Variants in SKOR2 observed in about 807,000 individuals in gnomAD.
The protein encoded by SKOR2 is LBX1 corepressor 1-like protein.
A neutral mutation model predicts 69.1 loss-of-function variants in SKOR2; 47 were observed. The observed-to-expected ratio is 0.68, with a 90% CI of 0.54 to 0.87. The LOEUF is 0.87. Among genes scored for constraint, SKOR2 ranks in the 40% least tolerant of loss-of-function variants. SKOR2 has a pLI of 0.00. For synonymous variants in SKOR2, 717 were observed against 672.6 expected (o/e 1.07, Z -1.02); for missense variants, 1,404 against 1,472.2 (o/e 0.95, Z 0.76).
In SKOR2 at chr18:47,249,129, T is replaced by C. The variant is rs751517150; in HGVS notation, c.55A>G (p.Ser19Gly). Residue 19 changes from serine to glycine, a missense_variant, in exon 2 of 9, where the codon AGC becomes GGC. Around this residue, in one of 3 missense-constraint regions of SKOR2, gnomAD observed 104 missense variants for 95.7 expected, o/e 1.09. Transcript: ENST00000425639. ...CTCAGCGTGTCGGGCTGGAAGGCGC[T>C]CGACGGCGACGCCAGCAGGATGTCG... ...PNDILLASPS[S>G]AFQPDTLSQP... The C allele has an allele frequency of 2.8e-5, 43 of 1,535,824 alleles. No individual in the cohort carries two copies. The highest frequency in any genetic ancestry group is 3.7e-5 in the Non-Finnish European group (42 of 1,146,754).
intron 8 of SKOR2, among the ~76,000 whole-genome samples, chr18:47,209,918 C>A (rs1451928512): frequency 6.6e-6 from 1 of 152,012 alleles, no homozygotes; most frequent in African/African-American, 2.4e-5. Context: ...ATAGGGAGAC[C>A]TTGTCTTTAC....
chr18:47,245,478 ATTTTTT>A lies in SKOR2; in HGVS notation c.2677+14_2677+19del. 2 of 1,194,628 alleles carry A rather than the reference ATTTTTT, an allele frequency of 1.7e-6. No individual in the cohort carries two copies. Among genetic ancestry groups the A allele is most frequent in the South Asian group, 1.8e-5 (1 of 56,552 alleles). The allele number at this position is 1,194,628 out of a possible 1,614,324, so 74.0% of individuals were successfully genotyped here. On this transcript the variant is annotated intron_variant, in intron 3 of 8. Transcript: ENST00000425639. ...ATGCAGGCAAGAAAAGTGGCAGCTG[ATTTTTT>A]TTTTTTTTTTTACCTGAAAAGCTGT...
chr18:47,238,149 A>G (rs975915823), intron 4 of SKOR2, among the ~76,000 whole-genome samples: 6 of 152,094 alleles, frequency 3.9e-5, no homozygotes, highest in East Asian at 3.9e-4. Flanking sequence ...TCCCAGTACT[A>G]TTGTTGACAC....
At chr18:47,219,383 A>C (rs2064154104) in intron 7 of SKOR2, among the ~76,000 whole-genome samples, 1 of 134,792 alleles carries the variant, frequency 7.4e-6, no homozygotes, top group Admixed American at 7.6e-5. Context: ...ACATTTACTT[A>C]TCAGACATCT....
Position 47,245,478 on chromosome 18 carries a change from A to ATGTTTTTTTTTTTTTTTTTTTTTTT in SKOR2, c.2677+19_2677+20insAAAAAAAAAAAAAAAAAAAAAAACA, listed in dbSNP as rs2064267931. On this transcript the variant is annotated intron_variant, in intron 3 of 8. Transcript: ENST00000425639. Reference sequence around the variant, plus strand: ...ATGCAGGCAAGAAAAGTGGCAGCTGATTTTTTTTTTTTTTTTTACCTGAAA... The same window carrying ATGTTTTTTTTTTTTTTTTTTTTTTT: ...ATGCAGGCAAGAAAAGTGGCAGCTGATGTTTTTTTTTTTTTTTTTTTTTTTTTTTTTTTTTTTTTTTTACCTGAAA... The ATGTTTTTTTTTTTTTTTTTTTTTTT allele has an allele frequency of 1.3e-6, 1 of 785,128 alleles. No homozygotes were observed. The highest frequency in any genetic ancestry group is 1.7e-6 in the Non-Finnish European group (1 of 592,668). The allele number at this position is 785,128 out of a possible 1,614,324, so 48.6% of individuals were successfully genotyped here. A position where few individuals can be genotyped will look rare whatever the true frequency, so the allele number is the denominator to read the frequency against.
chr18:47,246,813 G>C lies in SKOR2; in HGVS notation c.2371C>G (p.Arg791Gly). Residue 791 changes from arginine (R) to glycine (G), a missense_variant, in exon 2 of 9, where the codon CGA becomes GGA. Physicochemically the swap from Arg to Gly is moderately radical, Grantham distance 125 (BLOSUM62 -2). Transcript: ENST00000425639. ...CTGCTCCCCTTCTCCGACGGCCCTC[G>C]GCCCTGGAGGAACCGGCCGCCCCCG... ...LVGGGRFLQGRGPSEKGSSRD... is the reference protein window; with the variant it reads ...LVGGGRFLQGGGPSEKGSSRD... The C allele has an allele frequency of 1.4e-6, 2 of 1,426,502 alleles. No individual in the cohort carries two copies. The highest frequency in any genetic ancestry group is 1.5e-5 in the South Asian group (1 of 67,394). 88.4% of individuals were successfully genotyped at this position (1,426,502 alleles called of 1,614,324 possible).
Position 47,246,928 on chromosome 18 carries a change from G to C in SKOR2, c.2256C>G (p.Pro752=). The change falls in exon 2 of 9, where the codon CCC becomes CCG. Residue 752 remains proline (P), a synonymous_variant. Coordinates refer to ENST00000425639, the MANE Select transcript of SKOR2 (RefSeq NM_001278063.4). ...QEVDVEGHKP[P]EGEEEEEGRD... ...GACCTTCCTCCTCTTCCTCGCCCTC[G>C]GGGGGCTTGTGGCCCTCCACGTCCA... 6.7e-7 allele frequency: 1 copy of C among 1,495,422 alleles called. No individual in the cohort carries two copies. The highest frequency in any genetic ancestry group is 8.9e-7 in the Non-Finnish European group (1 of 1,128,650). The allele number at this position is 1,495,422 out of a possible 1,614,324, so 92.6% of individuals were successfully genotyped here.
At position 47,230,681 on chromosome 18, in the gene SKOR2, CA is replaced by C. The variant is rs1369232655; in HGVS notation, c.2819-125del. The C allele has an allele frequency of 7.3e-6, 5 of 684,598 alleles. No homozygotes were observed. The African/African-American group carries it at 9.0e-5, about 12-fold the overall frequency. The allele number at this position is 684,598 out of a possible 1,614,324, so 42.4% of individuals were successfully genotyped here. A position where few individuals can be genotyped will look rare whatever the true frequency, so the allele number is the denominator to read the frequency against. On this transcript the variant is annotated intron_variant, in intron 5 of 8. Coordinates refer to ENST00000425639, the MANE Select transcript of SKOR2 (RefSeq NM_001278063.4). ...ACCAGTTTAAAAAGTGTTGCATAGA[CA>C]TAGGATAGATTTTGTGCAGAAATCC...
In SKOR2 at chr18:47,247,177, G is replaced by C. The variant is rs1294602607; in HGVS notation, c.2007C>G (p.Pro669=). Reference sequence around the variant, plus strand: ...GCAGAAGCGGCGACGGCGGCTGCGGGGGGTGGTGGTGGTGGTGGTGGTGGT... The same window carrying C: ...GCAGAAGCGGCGACGGCGGCTGCGGCGGGTGGTGGTGGTGGTGGTGGTGGT... ...HPHHHHHHHH[P]PQPPSPLLLL... is the part of the protein sequence containing the mutation. The change falls in exon 2 of 9, where the codon CCC becomes CCG. Residue 669 remains proline, a synonymous_variant. Transcript: ENST00000425639. This position sits in a 1 kb window ranked among gnomAD's most constrained non-coding sequence, Gnocchi z 6.6. 2.3e-6 allele frequency: 3 copies of C among 1,313,986 alleles called. No homozygotes were observed. The African/African-American group carries it at 4.6e-5, about 20-fold the overall frequency. The allele number at this position is 1,313,986 out of a possible 1,614,324, so 81.4% of individuals were successfully genotyped here.
chr18:47,233,233 G>C (rs1323747520), intron 4 of SKOR2, among the ~76,000 whole-genome samples: 1 of 152,002 alleles, frequency 6.6e-6, no homozygotes, highest in Non-Finnish European at 1.5e-5. Context: ...TTCTCATCTT[G>C]GACATGACCT....
chr18:47,218,716 A>G (rs1291364993), intron 7 of SKOR2, among the ~76,000 whole-genome samples: 1 of 152,200 alleles, frequency 6.6e-6, no homozygotes, highest in Non-Finnish European at 1.5e-5. Flanking sequence ...AATACAATAA[A>G]TACATTCACA....
rs1261406120 is a variant in SKOR2 at position 47,247,044 on chromosome 18, G to A, written c.2140C>T (p.Arg714Ter). The change falls in exon 2 of 9, where the codon CGA (arginine) becomes TGA (stop). Residue 714 changes from arginine to a stop codon, truncating the protein, a stop_gained. Transcript: ENST00000425639. LOFTEE classifies it high-confidence loss of function. This position sits in a 1 kb window ranked among gnomAD's most constrained non-coding sequence, Gnocchi z 6.6. ...GTTCCCCCGGGAGACAGAAGGCCTC[G>A]GTGGTGCGGGTGCTGGGCCAGAGGG... Reference protein sequence around the residue: ...PPPLAQHPHHRGLLSPGGTSC... With the variant: ...PPPLAQHPHH 1.3e-6 allele frequency: 2 copies of A among 1,482,370 alleles called. No homozygotes were observed. The highest frequency in any genetic ancestry group is 1.3e-5 in the South Asian group (1 of 78,408). The allele number at this position is 1,482,370 out of a possible 1,614,324, so 91.8% of individuals were successfully genotyped here.
chr18:47,218,589 C>CAAAAAAAAAAAAAAAA, intron 7 of SKOR2, among the ~76,000 whole-genome samples: 1 of 88,258 alleles, frequency 1.1e-5, no homozygotes. Flanking sequence ...GACCCTGTCT[C>CAAAAAAAAAAAAAAAA]AAAAAAAAAA....
chr18:47,236,205 G>A lies in SKOR2; in HGVS notation c.2753-5205C>T, dbSNP rs144206987. 1.2e-3 allele frequency among the ~76,000 whole-genome samples: 189 copies of A among 152,272 alleles called. 1 individual carries two copies. Among genetic ancestry groups the A allele is most frequent in the African/African-American group, 4.2e-3 (176 of 41,544 alleles). ...GGGGTTTCACCATGTTGCCCAGGCT[G>A]GTCTTGAACCCCTGAGCTCATGTGA... is the stretch of plus-strand genomic sequence containing the variant. On this transcript the variant is annotated intron_variant, in intron 4 of 8. Coordinates refer to ENST00000425639, the MANE Select transcript of SKOR2 (RefSeq NM_001278063.4).
At chr18:47,221,097 T>G (rs1296702177) in intron 6 of SKOR2, among the ~76,000 whole-genome samples, 1 of 152,220 alleles carries the variant, frequency 6.6e-6, no homozygotes, top group Non-Finnish European at 1.5e-5. Context: ...ACTTTCAGGA[T>G]AGTAAATCCT....
chr18:47,246,817 C>T lies in SKOR2; in HGVS notation c.2367G>A (p.Gln789=), dbSNP rs2064276996. 2 of 1,454,152 alleles carry T rather than the reference C, an allele frequency of 1.4e-6. No homozygotes were observed. Among genetic ancestry groups the T allele is most frequent in the East Asian group, 2.8e-5 (1 of 35,168 alleles). 90.1% of individuals were successfully genotyped at this position (1,454,152 alleles called of 1,614,324 possible). ...TCCCCTTCTCCGACGGCCCTCGGCC[C>T]TGGAGGAACCGGCCGCCCCCGACTA... is the stretch of plus-strand genomic sequence containing the variant. ...DPLVGGGRFL[Q]GRGPSEKGSS... is the part of the protein sequence containing the mutation. The change falls in exon 2 of 9, where the codon CAG becomes CAA. Residue 789 remains glutamine, a synonymous_variant. Transcript: ENST00000425639.
chr18:47,239,899 C>G (rs549795165), intron 4 of SKOR2, among the ~76,000 whole-genome samples: 6 of 152,112 alleles, frequency 3.9e-5, no homozygotes, highest in African/African-American at 1.4e-4. Flanking sequence ...TAAGGGTTTA[C>G]CTAATGTCAC....
intron 4 of SKOR2, among the ~76,000 whole-genome samples, chr18:47,235,369 A>C (rs2064217971): frequency 6.6e-6 from 1 of 152,104 alleles, no homozygotes; most frequent in African/African-American, 2.4e-5. Context: ...TAAATACAAA[A>C]AAGAAGAAGA....
intron 1 of SKOR2, among the ~76,000 whole-genome samples, chr18:47,250,737 A>G (rs1213776289): frequency 6.6e-6 from 1 of 152,144 alleles, no homozygotes; most frequent in East Asian, 1.9e-4. Flanking sequence ...CCTCGACGCG[A>G]TCAAAGGAGA....
Sources: gnomAD v4.1 joint callset for allele counts (sites outside exome capture counted in the v4.1 genomes callset) on GRCh38, gnomAD v4.1.1 for gene constraint, gnomAD v4.1.1 regional missense constraint, Gnocchi (gnomAD v3.1) non-coding constraint, MANE v1.5 for transcripts, NCBI Gene and HGNC (gene_info 2026-07-23, HGNC 2026-07-21) for gene names.